NBPF14: variants seen among roughly 807,000 people sequenced by gnomAD.
NBPF14 encodes NBPF member 14.
NBPF14 carries 104 observed loss-of-function variants against 91.2 expected under a neutral mutation model. The observed-to-expected ratio is 1.14, with a 90% CI of 0.97 to 1.34. The LOEUF is 1.34. Ranked by LOEUF, NBPF14 falls within the 40% of genes most tolerant of loss-of-function variation. NBPF14 has a pLI of 0.00. For missense variants in NBPF14, 908 were observed against 783.0 expected (o/e 1.16, Z -1.91); for synonymous variants, 294 against 303.8 (o/e 0.97, Z 0.34).
Position 148,566,540 on chromosome 1 carries a change from C to T in NBPF14, c.3543-225G>A, listed in dbSNP as rs1314179342. Among the ~76,000 whole-genome samples, 6 of 102,240 alleles carry T rather than the reference C, an allele frequency of 5.9e-5. 1 individual carries two copies. The highest frequency in any genetic ancestry group is 1.4e-4 in the Non-Finnish European group (6 of 43,384). The allele number at this position is 102,240 out of a possible 152,430, so 67.1% of individuals were successfully genotyped here. On this transcript the variant is annotated intron_variant, in intron 28 of 70. Transcript: ENST00000619423. ...ACACACACACACACACACACACACA[C>T]AAACACACACACACACACAGAGAAC...
At chr1:148,561,827 A>G (rs1657837169) in intron 34 of NBPF14, among the ~76,000 whole-genome samples, 1 of 137,962 alleles carries the variant, frequency 7.2e-6, no homozygotes, top group East Asian at 2.0e-4. Flanking sequence ...ACAGAGAGAG[A>G]GAGAGAGAGA....
rs1488444225 is a variant in NBPF14 at position 148,557,592 on chromosome 1, C to A, written c.4955-50G>T. On this transcript the variant is annotated intron_variant, in intron 39 of 70. Transcript: ENST00000619423. ...GACAAAATAAGCCAATTCACCTACA[C>A]CCATAACAGTCCACTGTCTAATCCC... 25 of 615,778 alleles carry A rather than the reference C, an allele frequency of 4.1e-5. 3 individuals are homozygous for A. The highest frequency in any genetic ancestry group is 2.9e-4 in the Admixed American group (12 of 40,928). 38.1% of individuals were successfully genotyped at this position (615,778 alleles called of 1,614,324 possible). A position where few individuals can be genotyped will look rare whatever the true frequency, so the allele number is the denominator to read the frequency against.
chr1:148,534,750 G>A lies in NBPF14; in HGVS notation c.8548C>T (p.Gln2850Ter), dbSNP rs1367057250. 1.3e-5 allele frequency: 11 copies of A among 820,874 alleles called. No homozygotes were observed. Among genetic ancestry groups the A allele is most frequent in the Non-Finnish European group, 2.4e-5 (11 of 466,750 alleles). The allele number at this position is 820,874 out of a possible 1,614,324, so 50.8% of individuals were successfully genotyped here. Residue 2850 changes from glutamine to a stop codon, truncating the protein, a stop_gained, in exon 69 of 71, where the codon CAG (glutamine) becomes TAG (stop). Transcript: ENST00000619423. LOFTEE classifies it high-confidence loss of function. Reference sequence around the variant, plus strand: ...GAGTAAACAGCACTGCTGTAGGGCTGGCCTAAGTCAGGCAGTTCAAGATAA... The same window carrying A: ...GAGTAAACAGCACTGCTGTAGGGCTAGCCTAAGTCAGGCAGTTCAAGATAA...
At chr1:148,558,223 G>A in intron 39 of NBPF14, 29 bp downstream of exon 39, 1 of 180,204 alleles carries the variant, frequency 5.5e-6, no homozygotes, top group South Asian at 2.8e-5. Context: ...CCAGGTGGAG[G>A]CTTATCACCT....
chr1:148,592,621 G>C (rs1316404862), exon 4 of NBPF14: 2 of 1,579,440 alleles, frequency 1.3e-6, no homozygotes, highest in Non-Finnish European at 1.7e-6. Flanking sequence ...TGGAGGTCCT[G>C]CCCCTGGGAC....
chr1:148,581,566 G>A (rs1380830351), intron 12 of NBPF14, among the ~76,000 whole-genome samples: 1 of 151,614 alleles, frequency 6.6e-6, no homozygotes, highest in Non-Finnish European at 1.5e-5. Context: ...TTCATATCCA[G>A]CCAAACAAAG....
chr1:148,533,837 G>T, intron 70 of NBPF14, 24 bp downstream of exon 70: 1 of 766,484 alleles, frequency 1.3e-6, no homozygotes, highest in Non-Finnish European at 2.4e-6. Context: ...ACAGAACTAA[G>T]GATCCACAAT....
In NBPF14 at chr1:148,559,836, G is replaced by T. The variant is rs1386423069; in HGVS notation, c.4686C>A (p.Tyr1562Ter). 4.6e-6 allele frequency: 7 copies of T among 1,529,952 alleles called. 1 individual carries two copies. The highest frequency in any genetic ancestry group is 1.8e-5 in the Admixed American group (1 of 55,998). The allele number at this position is 1,529,952 out of a possible 1,614,324, so 94.8% of individuals were successfully genotyped here. A position where few individuals can be genotyped will look rare whatever the true frequency, so the allele number is the denominator to read the frequency against. Reference sequence around the variant, plus strand: ...AGCCAACACGCTGCTGCTCCAATATGTAAAAGGCACTTCTATAGGGCTGGC... The same window carrying T: ...AGCCAACACGCTGCTGCTCCAATATTTAAAAGGCACTTCTATAGGGCTGGC... The change falls in exon 37 of 71, where the codon TAC (tyrosine) becomes TAA (stop). Residue 1562 changes from tyrosine (Y) to a stop codon, truncating the protein, a stop_gained. Transcript: ENST00000619423. LOFTEE classifies it high-confidence loss of function.
chr1:148,559,989 G>C lies in NBPF14; in HGVS notation c.4557-24C>G, dbSNP rs1245470453. On this transcript the variant is annotated intron_variant, in intron 36 of 70. Transcript: ENST00000619423. Reference sequence around the variant, plus strand: ...GCCTGGAAAAGTGGAAAAAAGTAAAGAATAAGCCAGGGGGAATCAGAAACC... The same window carrying C: ...GCCTGGAAAAGTGGAAAAAAGTAAACAATAAGCCAGGGGGAATCAGAAACC... 5.5e-6 allele frequency: 6 copies of C among 1,089,542 alleles called. 1 individual carries two copies. Among genetic ancestry groups the C allele is most frequent in the East Asian group, 5.1e-5 (2 of 38,954 alleles). The allele number at this position is 1,089,542 out of a possible 1,614,324, so 67.5% of individuals were successfully genotyped here. A position where few individuals can be genotyped will look rare whatever the true frequency, so the allele number is the denominator to read the frequency against.
chr1:148,573,133 C>T, intron 20 of NBPF14, 97 bp downstream of exon 20: 1 of 36,856 alleles, frequency 2.7e-5, no homozygotes, highest in South Asian at 1.6e-4. Context: ...ATTCAGCCTT[C>T]GCTGAAAACA....
At chr1:148,577,420 G>C (rs1660027679) in intron 14 of NBPF14, 65 bp from the exon 15 acceptor site, 1 of 661,316 alleles carries the variant, frequency 1.5e-6, no homozygotes, top group Non-Finnish European at 2.8e-6. Flanking sequence ...GCCCCAGCTA[G>C]ATTTCATGGC....
exon 69 of NBPF14, chr1:148,534,837 C>A: frequency 4.7e-6 from 5 of 1,067,726 alleles, no homozygotes; most frequent in East Asian, 2.4e-5. Flanking sequence ...TCTTTCTCAT[C>A]CAGCAGCTCC....
At chr1:148,593,139 GA>G (rs1156768177) in intron 3 of NBPF14, among the ~76,000 whole-genome samples, 4 of 147,894 alleles carry the variant, frequency 2.7e-5, no homozygotes. Flanking sequence ...GCCACGTACA[GA>G]AATGAGGCCA....
intron 70 of NBPF14, 115 bp downstream of exon 70, chr1:148,533,746 T>C (rs797032274): frequency 2.2e-5 from 17 of 757,520 alleles, no homozygotes; most frequent in African/African-American, 1.2e-4. Flanking sequence ...GCAATGACAG[T>C]AGGAGTAATT....
chr1:148,572,337 G>A, intron 21 of NBPF14, 106 bp downstream of exon 21: 1 of 280,504 alleles, frequency 3.6e-6, no homozygotes, highest in Non-Finnish European at 6.1e-6. Flanking sequence ...GGTCCTGCCT[G>A]CGGCAATGAC....
intron 28 of NBPF14, 85 bp from the exon 29 acceptor site, chr1:148,566,400 G>C: frequency 3.1e-6 from 2 of 636,574 alleles, no homozygotes; most frequent in South Asian, 1.8e-5. Context: ...GTAGCATAGG[G>C]AAGTGGTTAA....
chr1:148,557,107 G>C (rs1456806997), intron 40 of NBPF14, among the ~76,000 whole-genome samples: 10 of 125,640 alleles, frequency 8.0e-5, no homozygotes, highest in African/African-American at 3.9e-4. Context: ...GAGAGAACGA[G>C]CTCAGTGAAT....
chr1:148,566,347 C>A (rs1334784947), intron 28 of NBPF14, 32 bp from the exon 29 acceptor site: 6 of 752,184 alleles, frequency 8.0e-6, no homozygotes, highest in Non-Finnish European at 1.2e-5. Context: ...AAGAATAAGC[C>A]AGGGGAAATC....
intron 2 of NBPF14, among the ~76,000 whole-genome samples, chr1:148,595,236 C>T (rs1663121131): frequency 6.8e-6 from 1 of 147,782 alleles, no homozygotes; most frequent in Non-Finnish European, 1.5e-5. Context: ...TTATATGGTA[C>T]AGAGAGGATT....
Sources: gnomAD v4.1 joint callset for allele counts (sites outside exome capture counted in the v4.1 genomes callset) on GRCh38, gnomAD v4.1.1 for gene constraint, MANE v1.5 for transcripts, NCBI Gene and HGNC (gene_info 2026-07-23, HGNC 2026-07-21) for gene names.